Variants in YTHDC2 observed in about 807,000 individuals in gnomAD.
YTHDC2 encodes the protein 3'-5' RNA helicase YTHDC2.
A neutral mutation model predicts 174.9 loss-of-function variants in YTHDC2; 45 were observed. The ratio of observed to expected loss-of-function variants is 0.26; its 90% CI spans 0.20 to 0.33. The LOEUF (loss-of-function observed/expected upper bound fraction) is 0.33. YTHDC2 is among the 10% of genes least tolerant of loss of function. YTHDC2 has a pLI of 1.00. For missense variants in YTHDC2, 1,650 were observed against 1,723.7 expected (o/e 0.96, Z 0.76); for synonymous variants, 657 against 574.5 (o/e 1.14, Z -2.05).
chr5:113,587,777 G>A (rs1778774783), intron 26 of YTHDC2, among the ~76,000 whole-genome samples: 1 of 151,050 alleles, frequency 6.6e-6, no homozygotes, highest in Non-Finnish European at 1.5e-5. Flanking sequence ...TTTAAAGTCA[G>A]CTTATCAGTT....
intron 23 of YTHDC2, among the ~76,000 whole-genome samples, chr5:113,570,109 T>G (rs1045253459): frequency 2.0e-5 from 3 of 152,092 alleles, no homozygotes; most frequent in Admixed American, 2.0e-4. Flanking sequence ...TTTATTTCAT[T>G]TTTTTGAGAT....
intron 23 of YTHDC2, among the ~76,000 whole-genome samples, chr5:113,569,463 T>A (rs1024364532): frequency 2.0e-5 from 3 of 152,224 alleles, no homozygotes; most frequent in African/African-American, 7.2e-5. Flanking sequence ...CTTCGAGGGT[T>A]TTTATGGTTT....
intron 19 of YTHDC2, among the ~76,000 whole-genome samples, 154 bp from the exon 20 acceptor site, chr5:113,563,705 T>C (rs1257401834): frequency 1.3e-5 from 2 of 152,226 alleles, no homozygotes; most frequent in African/African-American, 2.4e-5. Flanking sequence ...GATATAGTTC[T>C]TTTATATAGT....
In YTHDC2 at chr5:113,513,902, A is replaced by G. The variant is rs777526777; in HGVS notation, c.7A>G (p.Arg3Gly). The change falls in exon 1 of 30, where the codon AGG becomes GGG. Residue 3 changes from arginine to glycine, a missense_variant. By Grantham distance (125) the Arg-to-Gly change is moderately radical. Around this residue, in one of 5 missense-constraint regions of YTHDC2, gnomAD observed 304 missense variants for 341.4 expected, o/e 0.89. Coordinates refer to ENST00000161863, the MANE Select transcript of YTHDC2 (RefSeq NM_022828.5). ...AGACCATCTCTTCAGGGCAATGTCC[A>G]GGCCGAGCAGCGTCTCCCCGCGGCA... MS[R>G]PSSVSPRQPA... 3.1e-6 allele frequency: 5 copies of G among 1,603,542 alleles called. No individual in the cohort carries two copies. The highest frequency in any genetic ancestry group is 4.3e-6 in the Non-Finnish European group (5 of 1,176,078).
At chr5:113,545,728 ATTTTTTTTTTTTTT>A (rs1159754942) in intron 10 of YTHDC2, among the ~76,000 whole-genome samples, 1 of 49,512 alleles carries the variant, frequency 2.0e-5, no homozygotes, top group South Asian at 5.3e-4. Flanking sequence ...ATTGATCTCC[ATTTTTTTTTTTTTT>A]TTTTTTTTTT....
At chr5:113,570,025 T>C (rs1209679374) in intron 23 of YTHDC2, among the ~76,000 whole-genome samples, 1 of 152,184 alleles carries the variant, frequency 6.6e-6, no homozygotes, top group African/African-American at 2.4e-5. Flanking sequence ...CAGTGATACG[T>C]AGTTCTCCTT....
Position 113,553,277 on chromosome 5 carries a change from T to C in YTHDC2, c.1785T>C (p.Tyr595=), listed in dbSNP as rs778661234. 16 of 1,610,494 alleles carry C rather than the reference T, an allele frequency of 9.9e-6. No homozygotes were observed. The highest frequency in any genetic ancestry group is 1.4e-5 in the Non-Finnish European group (16 of 1,178,368). ...SAEDRELLKA[Y]HHSFDDEKVD... ...AAGACAGAGAGCTCCTGAAAGCTTA[T>C]CATCATAGTTTCGATGATGAAAAAG... is the stretch of plus-strand genomic sequence containing the variant. Residue 595 remains tyrosine (Y), a synonymous_variant, in exon 13 of 30, where the codon TAT becomes TAC. Coordinates refer to ENST00000161863, the MANE Select transcript of YTHDC2 (RefSeq NM_022828.5).
At chr5:113,549,082 A>G in intron 12 of YTHDC2, 62 bp downstream of exon 12, 1 of 1,384,824 alleles carries the variant, frequency 7.2e-7, no homozygotes, top group Non-Finnish European at 1.0e-6. Context: ...TTCACCATAT[A>G]AATTATGGGC....
chr5:113,540,408 AT>A (rs1451058566), intron 8 of YTHDC2, among the ~76,000 whole-genome samples: 1 of 152,176 alleles, frequency 6.6e-6, no homozygotes, highest in Non-Finnish European at 1.5e-5. Context: ...GTATTAGCCC[AT>A]TTTCACACTG....
In YTHDC2 at chr5:113,548,830, A is replaced by G. The variant is rs938493327; in HGVS notation, c.1623-125A>G. ...ATTTTGAATGACTTGTTTTTTAACT[A>G]TAATTTATCTTATTTTTTATTTAAA... is the stretch of plus-strand genomic sequence containing the variant. On this transcript the variant is annotated intron_variant, in intron 11 of 29. Transcript: ENST00000161863. 7 of 1,146,974 alleles carry G rather than the reference A, an allele frequency of 6.1e-6. No homozygotes were observed. The African/African-American group carries it at 6.4e-5, about 10-fold the overall frequency. 71.0% of individuals were successfully genotyped at this position (1,146,974 alleles called of 1,614,324 possible).
At chr5:113,515,884 T>C (rs1165931270) in intron 2 of YTHDC2, among the ~76,000 whole-genome samples, 2 of 152,176 alleles carry the variant, frequency 1.3e-5, no homozygotes, top group South Asian at 2.1e-4. Flanking sequence ...TTTAGCAAGG[T>C]TGGTTATGTA....
chr5:113,516,118 T>C (rs1266839742), intron 2 of YTHDC2, among the ~76,000 whole-genome samples: 1 of 152,232 alleles, frequency 6.6e-6, no homozygotes. Flanking sequence ...AAAAAATAGT[T>C]TAAAAGTTGA....
At chr5:113,514,656 C>T (rs1292307478) in intron 1 of YTHDC2, among the ~76,000 whole-genome samples, 2 of 152,106 alleles carry the variant, frequency 1.3e-5, no homozygotes, top group Non-Finnish European at 2.9e-5. Flanking sequence ...GTTGAGGGCT[C>T]ATTCGGACCT....
chr5:113,542,602 A>C (rs1775564592), intron 10 of YTHDC2, 99 bp downstream of exon 10: 1 of 1,088,658 alleles, frequency 9.2e-7, no homozygotes, highest in Middle Eastern at 3.2e-4. Context: ...TTGCACAACC[A>C]AAAATTTTAT....
chr5:113,539,629 C>T (rs1209629367), intron 8 of YTHDC2, among the ~76,000 whole-genome samples: 1 of 152,154 alleles, frequency 6.6e-6, no homozygotes, highest in Admixed American at 6.5e-5. Flanking sequence ...GCATTATTTT[C>T]CTGTTAATAC....
At chr5:113,524,500 A>G (rs992393230) in intron 2 of YTHDC2, among the ~76,000 whole-genome samples, 5 of 152,112 alleles carry the variant, frequency 3.3e-5, no homozygotes, top group Admixed American at 1.3e-4. Context: ...CAACCATGAA[A>G]CTTGGCTCTC....
chr5:113,565,900 A>C lies in YTHDC2; in HGVS notation c.2723A>C (p.Gln908Pro). ...ATTATTCTCTTTTTATAGGCCTGGC[A>C]AAAAGCACGAAGTGATGGGTGGGAG... is the stretch of plus-strand genomic sequence containing the variant. ...MALLRAFQAW[Q>P]KARSDGWERA... Residue 908 changes from glutamine (Q) to proline (P), a missense_variant, in exon 21 of 30, where the codon CAA becomes CCA. By Grantham distance (76) the Gln-to-Pro change is moderately conservative (BLOSUM62 -1). Transcript: ENST00000161863. 6.2e-7 allele frequency: 1 copy of C among 1,611,500 alleles called. No individual in the cohort carries two copies. Among genetic ancestry groups the C allele is most frequent in the Non-Finnish European group, 8.5e-7 (1 of 1,178,970 alleles).
At chr5:113,531,419 C>T (rs900428796) in intron 4 of YTHDC2, among the ~76,000 whole-genome samples, 5 of 152,090 alleles carry the variant, frequency 3.3e-5, no homozygotes, top group Non-Finnish European at 7.4e-5. Context: ...GTAGACACCA[C>T]TAGAGGGTAA....
Position 113,581,253 on chromosome 5 carries a change from A to G in YTHDC2, c.3355-164A>G, listed in dbSNP as rs559511917. 8.7e-6 allele frequency: 5 copies of G among 574,572 alleles called. No individual in the cohort carries two copies. The South Asian group carries it at 1.6e-4, about 18-fold the overall frequency. The allele number at this position is 574,572 out of a possible 1,614,324, so 35.6% of individuals were successfully genotyped here. ...TTAGTGCCTAAAATATTATAAATAA[A>G]TTTTATTTCATTCATGCATTAAAAA... On this transcript the variant is annotated intron_variant, in intron 24 of 29. Transcript: ENST00000161863.
Sources: gnomAD v4.1 joint callset for allele counts (sites outside exome capture counted in the v4.1 genomes callset) on GRCh38, gnomAD v4.1.1 for gene constraint, gnomAD v4.1.1 regional missense constraint, MANE v1.5 for transcripts, NCBI Gene and HGNC (gene_info 2026-07-23, HGNC 2026-07-21) for gene names.